The following LIMD2 variants were observed in gnomAD, a reference collection of about 807,000 sequenced individuals.
LIMD2 encodes the protein LIM domain-containing protein 2.
LIMD2 carries 11 observed loss-of-function variants against 16.0 expected under a neutral mutation model. That is an observed-to-expected ratio of 0.69 (90% CI 0.43 to 1.14). LIMD2 has a LOEUF of 1.14. Ranked by LOEUF, LIMD2 falls within the 50% of genes most tolerant of loss-of-function variation. LIMD2 has a pLI of 0.00. For synonymous variants in LIMD2, 60 were observed against 67.1 expected (o/e 0.89, Z 0.52); for missense variants, 168 against 165.8 (o/e 1.01, Z -0.07).
At chr17:63,699,727 G>GCCCATT in intron 1 of LIMD2, 1 of 641,702 alleles carries the variant, frequency 1.6e-6, no homozygotes. Context: ...CGCCGCGCCC[G>GCCCATT]GGCGTCCAGG....
chr17:63,700,322 C>A (rs2035767040), upstream of LIMD2: 1 of 286,642 alleles, frequency 3.5e-6, no homozygotes, highest in South Asian at 1.2e-4. This position sits in a 1 kb window ranked among gnomAD's most constrained non-coding sequence, Gnocchi z 7.1. Flanking sequence ...TCCGCGCTCC[C>A]GGCTCCGCAG....
chr17:63,699,825 C>T (rs2035758689), intron 1 of LIMD2: 44 of 983,308 alleles, frequency 4.5e-5, no homozygotes, highest in African/African-American at 5.3e-5. Flanking sequence ...GGACCGGACC[C>T]CAGACCCCGA....
chr17:63,699,956 C>A, intron 1 of LIMD2, 76 bp downstream of exon 1: 7 of 983,770 alleles, frequency 7.1e-6, no homozygotes, highest in Non-Finnish European at 8.4e-6. Context: ...ACCCCACGGG[C>A]GGCCCTCACC....
rs988970749 is a variant in LIMD2 at position 63,697,331 on chromosome 17, A to G, written c.*1221T>C. The G allele has an allele frequency of 6.6e-6, 1 of 152,298 alleles. No homozygotes were observed. The highest frequency in any genetic ancestry group is 2.4e-5 in the African/African-American group (1 of 41,442). 9.4% of individuals were successfully genotyped at this position (152,298 alleles called of 1,614,324 possible). On this transcript the variant is annotated 3_prime_UTR_variant, in exon 5 of 5. Transcript: ENST00000259006. ...AGGGGTCACTAAAACCTTGGGCAGC[A>G]CTTGCTGGGTCTGCTGGTTACCGCC...
rs2035762255 is a variant in LIMD2, at chr17:63,700,052, G to A, written c.-71C>T. 2.0e-6 allele frequency: 2 copies of A among 984,102 alleles called. No individual in the cohort carries two copies. Among genetic ancestry groups the A allele is most frequent in the Non-Finnish European group, 2.4e-6 (2 of 829,194 alleles). The allele number at this position is 984,102 out of a possible 1,614,324, so 61.0% of individuals were successfully genotyped here. On this transcript the variant is annotated 5_prime_UTR_variant, in exon 1 of 5. Coordinates refer to ENST00000259006, the MANE Select transcript of LIMD2 (RefSeq NM_030576.4). This position sits in a 1 kb window ranked among gnomAD's most constrained non-coding sequence, Gnocchi z 7.1. ...CTCACCAGGCCCGGCCTGGGCCGCG[G>A]GGCGGGATCGGTCTCCGGGGGCGCA...
chr17:63,699,772 T>TGGGCCCCCCC, intron 1 of LIMD2: 1 of 329,572 alleles, frequency 3.0e-6, no homozygotes, highest in Non-Finnish European at 4.3e-6. Flanking sequence ...GCGCCCGAGG[T>TGGGCCCCCCC]CCCCGCCCGC....
chr17:63,700,460 C>T (rs1198540100), upstream of LIMD2: 1 of 152,094 alleles, frequency 6.6e-6, no homozygotes, highest in African/African-American at 2.4e-5. The surrounding 1 kb of genome is among the most constrained non-coding windows in gnomAD (Gnocchi z 7.1). Flanking sequence ...CCGCATCCTA[C>T]TGGGAGGGGA....
At position 63,699,361 on chromosome 17, in the gene LIMD2, G is replaced by GTCAGTCGGGAGGGCCCCGCCAA; in HGVS notation, c.-50-14_-50-13insTTGGCGGGGCCCTCCCGACTGA. The GTCAGTCGGGAGGGCCCCGCCAA allele has an allele frequency of 6.5e-7, 1 of 1,547,246 alleles. No homozygotes were observed. Among genetic ancestry groups the GTCAGTCGGGAGGGCCCCGCCAA allele is most frequent in the African/African-American group, 1.4e-5 (1 of 73,388 alleles). On this transcript the variant is annotated splice_polypyrimidine_tract_variant and intron_variant, in intron 1 of 4. Coordinates refer to ENST00000259006, the MANE Select transcript of LIMD2 (RefSeq NM_030576.4). ...CACCCGCTGGGTTCTGCAAGGGGAA[G>GTCAGTCGGGAGGGCCCCGCCAA]TCAGTCGGGAGGGCCCCGCCAGCCC...
At position 63,698,476 on chromosome 17, in the gene LIMD2, C is replaced by T. The variant is rs1598134357; in HGVS notation, c.*76G>A. ...CTTCCCACCTGGCCCCCACGCAAGC[C>T]CAGCTCGACCTCCTTCCCACCTTCC... On this transcript the variant is annotated 3_prime_UTR_variant, in exon 5 of 5. Coordinates refer to ENST00000259006, the MANE Select transcript of LIMD2 (RefSeq NM_030576.4). The T allele has an allele frequency of 6.5e-7, 1 of 1,527,386 alleles. No homozygotes were observed. The allele number at this position is 1,527,386 out of a possible 1,614,324, so 94.6% of individuals were successfully genotyped here. A position where few individuals can be genotyped will look rare whatever the true frequency, so the allele number is the denominator to read the frequency against.
Position 63,697,131 on chromosome 17 carries a change from T to G in LIMD2, c.*1421A>C, listed in dbSNP as rs1017856843. ...GGGGCGCCCTCAGGTCCTCCCAACT[T>G]GCCTGGTTTGCTCTGCTGTGAACTC... On this transcript the variant is annotated 3_prime_UTR_variant, in exon 5 of 5. Coordinates refer to ENST00000259006, the MANE Select transcript of LIMD2 (RefSeq NM_030576.4). The G allele has an allele frequency of 1.3e-5, 2 of 152,270 alleles. No individual in the cohort carries two copies. Among genetic ancestry groups the G allele is most frequent in the African/African-American group, 4.8e-5 (2 of 41,434 alleles). The allele number at this position is 152,270 out of a possible 1,614,324, so 9.4% of individuals were successfully genotyped here. A position where few individuals can be genotyped will look rare whatever the true frequency, so the allele number is the denominator to read the frequency against.
chr17:63,699,041 A>T lies in LIMD2; in HGVS notation c.71T>A (p.Val24Glu), dbSNP rs1473796801. The T allele has an allele frequency of 1.2e-6, 2 of 1,608,734 alleles. No individual in the cohort carries two copies. Among genetic ancestry groups the T allele is most frequent in the African/African-American group, 2.7e-5 (2 of 74,902 alleles). The change falls in exon 3 of 5, where the codon GTG becomes GAG. Residue 24 changes from valine to glutamate, a missense_variant. By Grantham distance (121) the Val-to-Glu change is moderately radical. Transcript: ENST00000259006. Reference protein sequence around the residue: ...HDAKGGGSSTVQRSKSFSLRA... With the variant: ...HDAKGGGSSTEQRSKSFSLRA... Reference sequence around the variant, plus strand: ...CCAGGCCCCTACCTTGGAGCGCTGCACCGTGCTGCTGCCGCCGCCTTTGGC... The same window carrying T: ...CCAGGCCCCTACCTTGGAGCGCTGCTCCGTGCTGCTGCCGCCGCCTTTGGC...
At chr17:63,699,645 G>C (rs1027797488) in intron 1 of LIMD2, 2 of 267,162 alleles carry the variant, frequency 7.5e-6, no homozygotes, top group Admixed American at 5.8e-5. Context: ...CTTGGGGTGA[G>C]GGGAGGTCGG....
chr17:63,698,549 G>C lies in LIMD2; in HGVS notation c.*3C>G, dbSNP rs777851064. 3.1e-6 allele frequency: 5 copies of C among 1,613,348 alleles called. No individual in the cohort carries two copies. Among genetic ancestry groups the C allele is most frequent in the Non-Finnish European group, 3.4e-6 (4 of 1,179,902 alleles). On this transcript the variant is annotated 3_prime_UTR_variant, in exon 5 of 5. Transcript: ENST00000259006. Reference sequence around the variant, plus strand: ...GCAGAGGGGGTGGAAGGTTACAGAGGCCTCAGGCCGTCTTGGTGCCGGGGT... The same window carrying C: ...GCAGAGGGGGTGGAAGGTTACAGAGCCCTCAGGCCGTCTTGGTGCCGGGGT...
chr17:63,699,784 C>T, intron 1 of LIMD2: 2 of 485,496 alleles, frequency 4.1e-6, no homozygotes, highest in Non-Finnish European at 5.4e-6. Flanking sequence ...CCCGCCCGCC[C>T]CGCCCCTCGG....
intron 1 of LIMD2, chr17:63,699,755 C>G (rs1167956448): frequency 1.2e-6 from 1 of 817,878 alleles, no homozygotes; most frequent in Non-Finnish European, 1.5e-6. Flanking sequence ...TGCGCAGCCC[C>G]TGGACAGCGC....
At position 63,700,095 on chromosome 17, in the gene LIMD2, C is replaced by G; in HGVS notation, c.-114G>C. 1 of 984,698 alleles carries G rather than the reference C, an allele frequency of 1.0e-6. No homozygotes were observed. The highest frequency in any genetic ancestry group is 1.2e-6 in the Non-Finnish European group (1 of 829,370). The allele number at this position is 984,698 out of a possible 1,614,324, so 61.0% of individuals were successfully genotyped here. A position where few individuals can be genotyped will look rare whatever the true frequency, so the allele number is the denominator to read the frequency against. On this transcript the variant is annotated 5_prime_UTR_variant, in exon 1 of 5. Coordinates refer to ENST00000259006, the MANE Select transcript of LIMD2 (RefSeq NM_030576.4). This position sits in a 1 kb window ranked among gnomAD's most constrained non-coding sequence, Gnocchi z 7.1. ...GGGGCGCACGGGTACGAGGAGGGCG[C>G]GGGCGCGAGCTGCTGCCGCTACCAG...
chr17:63,699,534 G>A, intron 1 of LIMD2, 186 bp from the exon 2 acceptor site: 1 of 553,532 alleles, frequency 1.8e-6, no homozygotes, highest in Non-Finnish European at 3.0e-6. Flanking sequence ...CAGGGGCCGG[G>A]GTCCCGAGTG....
At chr17:63,700,852 C>T (rs1416867133), upstream of LIMD2, 3 of 152,186 alleles carry the variant, frequency 2.0e-5, no homozygotes, top group Non-Finnish European at 4.4e-5. This position sits in a 1 kb window ranked among gnomAD's most constrained non-coding sequence, Gnocchi z 7.1. Context: ...GCCTCTGCAA[C>T]CCTGCGACGG....
chr17:63,698,149 T>G lies in LIMD2; in HGVS notation c.*403A>C. On this transcript the variant is annotated 3_prime_UTR_variant, in exon 5 of 5. Coordinates refer to ENST00000259006, the MANE Select transcript of LIMD2 (RefSeq NM_030576.4). ...CTCAGAAACAGGTTAAGGGTAGAGGTAGATGGGGAGACGTGGGGGCCACAC... is the reference window on the plus strand; with the variant it reads ...CTCAGAAACAGGTTAAGGGTAGAGGGAGATGGGGAGACGTGGGGGCCACAC... 9.6e-6 allele frequency: 2 copies of G among 207,454 alleles called. No homozygotes were observed. Among genetic ancestry groups the G allele is most frequent in the Non-Finnish European group, 2.0e-5 (2 of 100,270 alleles). 12.9% of individuals were successfully genotyped at this position (207,454 alleles called of 1,614,324 possible).
Sources: gnomAD v4.1 joint callset for allele counts on GRCh38, gnomAD v4.1.1 for gene constraint, Gnocchi (gnomAD v3.1) non-coding constraint, MANE v1.5 for transcripts, NCBI Gene and HGNC (gene_info 2026-07-23, HGNC 2026-07-21) for gene names.